The following SLC12A6 variants were observed in gnomAD, a reference collection of about 807,000 sequenced individuals.
SLC12A6 encodes K-Cl cotransporter 3.
A neutral mutation model predicts 135.3 loss-of-function variants in SLC12A6; 66 were observed. The ratio of observed to expected loss-of-function variants is 0.49; its 90% CI spans 0.40 to 0.60. SLC12A6 has a LOEUF of 0.60. Among genes scored for constraint, SLC12A6 ranks in the 20% least tolerant of loss-of-function variants. The pLI is 0.00. For missense variants in SLC12A6, 1,058 were observed against 1,452.3 expected (o/e 0.73, Z 4.41); for synonymous variants, 513 against 508.8 (o/e 1.01, Z -0.11).
At chr15:34,279,877 G>A (rs440025) in intron 2 of SLC12A6, among the ~76,000 whole-genome samples, 58,448 of 152,096 alleles carry the variant, frequency 0.38, 14,281 homozygotes, top group African/African-American at 0.71. Flanking sequence ...TAATCAGAAA[G>A]ATGAACTGAA....
chr15:34,245,894 T>G, intron 13 of SLC12A6, 27 bp from the exon 14 acceptor site: 4 of 1,579,968 alleles, frequency 2.5e-6, no homozygotes, highest in Non-Finnish European at 3.5e-6. Flanking sequence ...AGTGGGAAAT[T>G]TAATCTGGAA....
intron 24 of SLC12A6, 99 bp downstream of exon 24, chr15:34,235,916 G>T: frequency 1.1e-6 from 1 of 927,856 alleles, no homozygotes; most frequent in Non-Finnish European, 1.8e-6. Flanking sequence ...CTAGATTCAG[G>T]GTGAAATGAA....
At chr15:34,323,737 G>A (rs112681080) in intron 2 of SLC12A6, among the ~76,000 whole-genome samples, 2 of 152,102 alleles carry the variant, frequency 1.3e-5, no homozygotes, top group Non-Finnish European at 1.5e-5. Context: ...GACTGCTTGA[G>A]CTCAGGAGTT....
chr15:34,313,490 G>A (rs1201670250), intron 2 of SLC12A6, among the ~76,000 whole-genome samples: 1 of 152,182 alleles, frequency 6.6e-6, no homozygotes, highest in African/African-American at 2.4e-5. Context: ...GGTTCATGAG[G>A]TTTAAGGAAA....
chr15:34,272,207 G>A (rs543762013), intron 3 of SLC12A6, among the ~76,000 whole-genome samples: 4 of 152,240 alleles, frequency 2.6e-5, no homozygotes, highest in African/African-American at 4.8e-5. Flanking sequence ...CTGACCTTGC[G>A]ATCCACTTGC....
chr15:34,279,872 A>G (rs1423778926), intron 2 of SLC12A6, among the ~76,000 whole-genome samples: 2 of 152,254 alleles, frequency 1.3e-5, no homozygotes, highest in Admixed American at 6.5e-5. Context: ...AGATGTAATC[A>G]GAAAGATGAA....
chr15:34,309,642 A>G (rs1397751530), intron 2 of SLC12A6, among the ~76,000 whole-genome samples: 1 of 152,000 alleles, frequency 6.6e-6, no homozygotes, highest in Non-Finnish European at 1.5e-5. Context: ...AAAAATCTGA[A>G]AGGAATCAAA....
intron 1 of SLC12A6, chr15:34,337,002 G>T (rs1371871982): frequency 5.2e-6 from 2 of 384,120 alleles, no homozygotes; most frequent in East Asian, 1.3e-4. Context: ...TCTGGTCCGG[G>T]GCTGAAGGCT....
At chr15:34,322,963 AGT>A (rs1889204396) in intron 2 of SLC12A6, among the ~76,000 whole-genome samples, 1 of 126,912 alleles carries the variant, frequency 7.9e-6, no homozygotes. Context: ...TGGGCGACAG[AGT>A]GAAACTCTGT....
intron 9 of SLC12A6, among the ~76,000 whole-genome samples, chr15:34,253,318 T>G (rs1008926806): frequency 6.6e-6 from 1 of 152,172 alleles, no homozygotes; most frequent in Non-Finnish European, 1.5e-5. Context: ...GACCGTGTAC[T>G]AATCAAAAAA....
intron 7 of SLC12A6, 141 bp downstream of exon 7, chr15:34,256,088 C>T (rs1465293290): frequency 2.8e-6 from 2 of 703,436 alleles, no homozygotes; most frequent in South Asian, 1.5e-5. Context: ...ATTATGTCTA[C>T]GTCCTATAGA....
chr15:34,275,285 T>C, intron 3 of SLC12A6, 60 bp downstream of exon 3: 1 of 852,892 alleles, frequency 1.2e-6, no homozygotes, highest in Non-Finnish European at 2.0e-6. Flanking sequence ...GTAATGTCTG[T>C]TAGGATAAAT....
At chr15:34,267,406 G>A (rs2140836151) in intron 3 of SLC12A6, among the ~76,000 whole-genome samples, 1 of 152,248 alleles carries the variant, frequency 6.6e-6, no homozygotes, top group South Asian at 2.1e-4. Context: ...ATATTCCTTA[G>A]AATTCCTTTA....
chr15:34,241,078 A>G, intron 18 of SLC12A6, 155 bp downstream of exon 18: 2 of 668,134 alleles, frequency 3.0e-6, no homozygotes, highest in South Asian at 1.7e-5. Context: ...CATGAAGAAA[A>G]GGGAATAAAA....
Position 34,320,847 on chromosome 15 carries a change from T to G in SLC12A6, c.271+15563A>C, listed in dbSNP as rs1889034730. ...TGGCATGAACCTGGAAGGTGGAGCT[T>G]GCAGTGAGCCAAGATCACGTCACTG... On this transcript the variant is annotated intron_variant, in intron 2 of 25. Transcript: ENST00000354181. Among the ~76,000 whole-genome samples the G allele has an allele frequency of 1.3e-5, 2 of 151,464 alleles. 1 individual carries two copies. Among genetic ancestry groups the G allele is most frequent in the South Asian group, 4.2e-4 (2 of 4,802 alleles).
intron 2 of SLC12A6, among the ~76,000 whole-genome samples, chr15:34,291,270 G>A (rs1377448909): frequency 6.6e-6 from 1 of 152,152 alleles, no homozygotes; most frequent in Non-Finnish European, 1.5e-5. Context: ...TGAAATTCTG[G>A]GTTGAAAATT....
At chr15:34,240,560 G>T in intron 19 of SLC12A6, 101 bp downstream of exon 19, 1 of 1,044,758 alleles carries the variant, frequency 9.6e-7, no homozygotes, top group Non-Finnish European at 1.5e-6. Context: ...AAACCTCCTA[G>T]ATCACTCAGG....
rs1890988971 is a variant in SLC12A6, at chr15:34,232,079, AAAT to A, written c.*1799_*1801del. ...GAATACAGGCAAGAAAAGTTTCTCT[AAAT>A]AACTATTCTGTAAAAGAAATGAAGA... On this transcript the variant is annotated 3_prime_UTR_variant, in exon 26 of 26. Transcript: ENST00000354181. 2.0e-5 allele frequency: 3 copies of A among 152,210 alleles called. No homozygotes were observed. In the South Asian group the frequency reaches 6.2e-4, roughly 31 times the overall value. The allele number at this position is 152,210 out of a possible 1,614,324, so 9.4% of individuals were successfully genotyped here.
chr15:34,245,532 C>G, intron 14 of SLC12A6, 129 bp from the exon 15 acceptor site: 1 of 878,818 alleles, frequency 1.1e-6, no homozygotes, highest in South Asian at 1.3e-5. Context: ...AATACCTTTA[C>G]AGCACTCACA....
Sources: allele counts gnomAD v4.1 joint callset (sites outside exome capture counted in the v4.1 genomes callset), GRCh38; gene constraint gnomAD v4.1.1; transcripts MANE v1.5; gene names NCBI Gene and HGNC (gene_info 2026-07-23, HGNC 2026-07-21).